The following GIGYF2 variants were observed in gnomAD, a reference collection of about 807,000 sequenced individuals.
GIGYF2 encodes the protein GRB10-interacting GYF protein 2.
A neutral mutation model predicts 208.1 loss-of-function variants in GIGYF2; 25 were observed. The ratio of observed to expected loss-of-function variants is 0.12; its 90% CI spans 0.09 to 0.17. GIGYF2 has a LOEUF of 0.17. GIGYF2 is among the 10% of genes least tolerant of loss of function. The pLI, the probability that GIGYF2 is intolerant of heterozygous loss-of-function variation, is 1.00. For synonymous variants in GIGYF2, 534 were observed against 543.8 expected, an observed-to-expected ratio of 0.98 and a Z score of 0.25; for missense variants, 1,302 against 1,579.4, an observed-to-expected ratio of 0.82 and a Z score of 2.98.
intron 2 of GIGYF2, among the ~76,000 whole-genome samples, chr2:232,707,996 C>G (rs760610931): frequency 6.6e-6 from 1 of 151,922 alleles, no homozygotes; most frequent in African/African-American, 2.4e-5. Flanking sequence ...AGGTCTTGCT[C>G]TGTCCCTCAG....
chr2:232,782,747 G>A (rs1032877918), intron 8 of GIGYF2: 2 of 152,160 alleles, frequency 1.3e-5, no homozygotes, highest in African/African-American at 4.8e-5. Context: ...ATGAATCTTC[G>A]TAATGTTCAG....
At chr2:232,827,737 A>G (rs1471623963) in intron 21 of GIGYF2, among the ~76,000 whole-genome samples, 1 of 152,130 alleles carries the variant, frequency 6.6e-6, no homozygotes, top group Non-Finnish European at 1.5e-5. Flanking sequence ...TTGAATTTGC[A>G]TCTTTTTCTA....
At chr2:232,718,769 A>T (rs1466806583) in intron 2 of GIGYF2, among the ~76,000 whole-genome samples, 2 of 152,136 alleles carry the variant, frequency 1.3e-5, no homozygotes, top group Non-Finnish European at 2.9e-5. Context: ...AGAACTACTG[A>T]TTCGTTTAGT....
At chr2:232,818,056 T>G (rs1700967671) in intron 20 of GIGYF2, among the ~76,000 whole-genome samples, 3 of 152,220 alleles carry the variant, frequency 2.0e-5, no homozygotes. Flanking sequence ...TGCTTTTGCT[T>G]TGTTTCTTTT....
At chr2:232,805,066 A>G (rs917300664) in intron 14 of GIGYF2, among the ~76,000 whole-genome samples, 3 of 152,094 alleles carry the variant, frequency 2.0e-5, no homozygotes, top group Admixed American at 2.0e-4. Context: ...TGGTACACCC[A>G]TCACTCGAGC....
chr2:232,860,127 G>A lies in GIGYF2; in HGVS notation c.*3267G>A, dbSNP rs193079613. 1.1e-3 allele frequency: 174 copies of A among 152,166 alleles called. 1 individual carries two copies. Among genetic ancestry groups the A allele is most frequent in the African/African-American group, 4.0e-3 (167 of 41,526 alleles). 9.4% of individuals were successfully genotyped at this position (152,166 alleles called of 1,614,324 possible). ...AAAATGAGTTTATGCATACATGAAGGACTTTATTTTCATTGGCTTTAAGTT... is the reference window on the plus strand; with the variant it reads ...AAAATGAGTTTATGCATACATGAAGAACTTTATTTTCATTGGCTTTAAGTT... On this transcript the variant is annotated 3_prime_UTR_variant, in exon 29 of 29. Transcript: ENST00000373563.
chr2:232,830,817 C>A (rs1701405267), intron 21 of GIGYF2, among the ~76,000 whole-genome samples: 1 of 150,308 alleles, frequency 6.7e-6, no homozygotes, highest in Admixed American at 6.6e-5. Context: ...CCTGTCTCTA[C>A]AAAAAAAAAA....
At chr2:232,727,330 A>G (rs1391575010) in intron 2 of GIGYF2, among the ~76,000 whole-genome samples, 1 of 152,210 alleles carries the variant, frequency 6.6e-6, no homozygotes, top group African/African-American at 2.4e-5. Flanking sequence ...TTGTCCATGC[A>G]AATATATTGA....
At chr2:232,851,090 G>A (rs951968974) in intron 28 of GIGYF2, among the ~76,000 whole-genome samples, 1 of 152,184 alleles carries the variant, frequency 6.6e-6, no homozygotes, top group African/African-American at 2.4e-5. Flanking sequence ...GGAAGCTGAG[G>A]TAGGTGGGTC....
chr2:232,776,703 G>C, intron 8 of GIGYF2: 1 of 509,284 alleles, frequency 2.0e-6, no homozygotes. Flanking sequence ...TTGTTAGGAG[G>C]TCTTTCTTTA....
chr2:232,795,124 C>T (rs2106368220), intron 13 of GIGYF2, among the ~76,000 whole-genome samples, 180 bp downstream of exon 13: 1 of 152,284 alleles, frequency 6.6e-6, no homozygotes, highest in Non-Finnish European at 1.5e-5. Context: ...TTATAAGTTT[C>T]TGCTATGTAG....
At chr2:232,710,833 G>A (rs1696361359) in intron 2 of GIGYF2, among the ~76,000 whole-genome samples, 1 of 151,756 alleles carries the variant, frequency 6.6e-6, no homozygotes, top group African/African-American at 2.4e-5. Context: ...CCAGGTAGGT[G>A]GGATTACAGG....
At chr2:232,847,595 G>C in intron 27 of GIGYF2, 24 bp downstream of exon 27, 2 of 1,611,128 alleles carry the variant, frequency 1.2e-6, no homozygotes, top group Non-Finnish European at 1.7e-6. Flanking sequence ...TGGTGTATGC[G>C]GTACCTCTGA....
At chr2:232,826,975 A>G (rs1022622809) in intron 21 of GIGYF2, among the ~76,000 whole-genome samples, 2 of 152,174 alleles carry the variant, frequency 1.3e-5, no homozygotes, top group African/African-American at 4.8e-5. Context: ...TGATTGTTGC[A>G]TTTTTTTAAG....
At chr2:232,789,455 G>A (rs975798050) in intron 9 of GIGYF2, among the ~76,000 whole-genome samples, 10 of 152,160 alleles carry the variant, frequency 6.6e-5, no homozygotes, top group Non-Finnish European at 1.3e-4. Flanking sequence ...TTCACATAAT[G>A]GCTCTAGGTT....
chr2:232,719,225 G>A (rs1015390825), intron 2 of GIGYF2: 1 of 152,168 alleles, frequency 6.6e-6, no homozygotes, highest in African/African-American at 2.4e-5. Context: ...AATAGTGGTG[G>A]TAGCTAATCT....
intron 27 of GIGYF2, among the ~76,000 whole-genome samples, chr2:232,849,850 C>G (rs375032230): frequency 2.6e-5 from 4 of 152,228 alleles, no homozygotes; most frequent in Non-Finnish European, 2.9e-5. Context: ...ATATGCCACC[C>G]CTGTCCTCTC....
At chr2:232,718,907 C>G (rs1696818507) in intron 2 of GIGYF2, 1 of 152,006 alleles carries the variant, frequency 6.6e-6, no homozygotes, top group African/African-American at 2.4e-5. Context: ...GCAGACTATA[C>G]ATAGTACTGG....
In GIGYF2 at chr2:232,789,556, G is replaced by T. The variant is rs573861062; in HGVS notation, c.713-1142G>T. On this transcript the variant is annotated intron_variant, in intron 9 of 28. Transcript: ENST00000373563. ...TGTTTTTATATGAAGGGATGGGAGT[G>T]TGGGACTAAGATTTCTTTTTTGTGA... is the stretch of plus-strand genomic sequence containing the variant. Among the ~76,000 whole-genome samples the T allele has an allele frequency of 3.3e-5, 5 of 152,278 alleles. No homozygotes were observed. In the South Asian group the frequency reaches 1.0e-3, roughly 32 times the overall value.
Sources: gnomAD v4.1 joint callset for allele counts (sites outside exome capture counted in the v4.1 genomes callset) on GRCh38, gnomAD v4.1.1 for gene constraint, MANE v1.5 for transcripts, NCBI Gene and HGNC (gene_info 2026-07-23, HGNC 2026-07-21) for gene names.